Variants in FBRSL1 observed in about 807,000 individuals in gnomAD.
FBRSL1 encodes fibrosin like 1, also known as fibrosin-1-like protein.
FBRSL1 carries 51 observed loss-of-function variants against 89.6 expected under a neutral mutation model. The observed-to-expected ratio is 0.57, with a 90% confidence interval of 0.45 to 0.72. FBRSL1 has a LOEUF of 0.72. Among genes scored for constraint, FBRSL1 ranks in the 30% least tolerant of loss-of-function variants. The probability of loss-of-function intolerance (pLI) is 0.00; values close to 1 mark genes in which losing one functional copy is unlikely to be tolerated. For synonymous variants in FBRSL1, 779 were observed against 681.1 expected (o/e 1.14, Z -2.24); for missense variants, 1,618 against 1,451.8 (o/e 1.11, Z -1.86).
At chr12:132,555,240 G>T (rs568536791) in intron 5 of FBRSL1, among the ~76,000 whole-genome samples, 38 of 149,546 alleles carry the variant, frequency 2.5e-4, no homozygotes, top group Non-Finnish European at 5.2e-4. Context: ...TCGGGTGGGA[G>T]TGTAGCTGTG....
intron 9 of FBRSL1, chr12:132,571,564 G>C: frequency 1.6e-6 from 2 of 1,288,450 alleles, no homozygotes; most frequent in Non-Finnish European, 2.0e-6. Context: ...GGGGGCGGGC[G>C]TGGGGCGGGG....
intron 9 of FBRSL1, chr12:132,571,467 C>T (rs1201998761): frequency 6.5e-7 from 1 of 1,550,274 alleles, no homozygotes; most frequent in East Asian, 2.4e-5. Flanking sequence ...AGCACCAACA[C>T]ACATTCGCCC....
intron 4 of FBRSL1, among the ~76,000 whole-genome samples, chr12:132,540,821 C>G (rs1325798468): frequency 2.6e-5 from 4 of 152,136 alleles, no homozygotes; most frequent in African/African-American, 9.7e-5. Flanking sequence ...AAGCCCAGAT[C>G]CCCAGATCCC....
Position 132,570,048 on chromosome 12 carries a change from G to A in FBRSL1, c.814G>A (p.Ala272Thr), listed in dbSNP as rs1041928176. 5.6e-5 allele frequency: 84 copies of A among 1,504,982 alleles called. No individual in the cohort carries two copies. The highest frequency in any genetic ancestry group is 1.6e-4 in the African/African-American group (11 of 69,378). 93.2% of individuals were successfully genotyped at this position (1,504,982 alleles called of 1,614,324 possible). Reference protein sequence around the residue: ...LPTASPAPHAAPCPGPPPGSR... With the variant: ...LPTASPAPHATPCPGPPPGSR... ...CACTGCCAGCCCCGCGCCCCATGCC[G>A]CGCCCTGCCCGGGGCCCCCGCCCGG... The change falls in exon 7 of 19, where the codon GCG (alanine) becomes ACG (threonine). Residue 272 changes from alanine to threonine, a missense_variant. Transcript: ENST00000680143.
At chr12:132,498,693 A>G (rs1216903174) in intron 1 of FBRSL1, among the ~76,000 whole-genome samples, 1 of 152,206 alleles carries the variant, frequency 6.6e-6, no homozygotes, top group African/African-American at 2.4e-5. Context: ...CCTGGTCAGC[A>G]GGCGGCCCTG....
At chr12:132,523,928 G>T (rs1421065019) in intron 2 of FBRSL1, among the ~76,000 whole-genome samples, 1 of 152,196 alleles carries the variant, frequency 6.6e-6, no homozygotes, top group African/African-American at 2.4e-5. Context: ...CCGGTGGGCA[G>T]GGCTGCCCAG....
chr12:132,582,949 G>T, intron 18 of FBRSL1, 22 bp from the exon 19 acceptor site: 1 of 1,382,304 alleles, frequency 7.2e-7, no homozygotes, highest in East Asian at 3.1e-5. Flanking sequence ...CGGGAGTGAC[G>T]GGTCCGCCCT....
chr12:132,581,286 T>A (rs992324247), intron 15 of FBRSL1, 153 bp from the exon 16 acceptor site: 1 of 985,272 alleles, frequency 1.0e-6, no homozygotes, highest in Non-Finnish European at 1.2e-6. Flanking sequence ...CACCTCTTAC[T>A]CTGACTGGAC....
At chr12:132,551,766 G>A (rs534102750) in intron 5 of FBRSL1, 70 of 361,118 alleles carry the variant, frequency 1.9e-4, no homozygotes, top group Non-Finnish European at 2.2e-4. Flanking sequence ...GGCAGCTGAC[G>A]GGAGGCTCGG....
chr12:132,526,548 C>G (rs893739541), intron 3 of FBRSL1, among the ~76,000 whole-genome samples: 6 of 152,176 alleles, frequency 3.9e-5, no homozygotes, highest in Non-Finnish European at 8.8e-5. Flanking sequence ...GCCTTGGGCT[C>G]TGTCCCCTGA....
intron 4 of FBRSL1, among the ~76,000 whole-genome samples, chr12:132,535,654 A>G (rs2036647606): frequency 6.6e-6 from 1 of 152,276 alleles, no homozygotes; most frequent in Admixed American, 6.5e-5. Flanking sequence ...CCCCAAGCAC[A>G]CTAGGCCCAG....
In FBRSL1 at chr12:132,567,511, C is replaced by A; in HGVS notation, c.676C>A (p.Pro226Thr). The A allele has an allele frequency of 6.4e-7, 1 of 1,551,102 alleles. No homozygotes were observed. The highest frequency in any genetic ancestry group is 8.7e-7 in the Non-Finnish European group (1 of 1,146,902). ...CGTGGGCTCTGAGAAGCTCTTTGCG[C>A]CGGGAACCGATAAAGGTAAGTGGGT... ...ASVGSEKLFA[P>T]GTDKGPALEK... Residue 226 changes from proline to threonine, a missense_variant, in exon 6 of 19, where the codon CCG (proline) becomes ACG (threonine). By Grantham distance (38) the Pro-to-Thr change is conservative. Transcript: ENST00000680143.
intron 5 of FBRSL1, 85 bp downstream of exon 5, chr12:132,548,117 A>G (rs1593439749): frequency 6.7e-7 from 1 of 1,486,526 alleles, no homozygotes; most frequent in East Asian, 2.5e-5. Context: ...GGCCCTGGAG[A>G]CCAGGCAGAA....
chr12:132,514,169 G>A (rs986669841), intron 2 of FBRSL1, among the ~76,000 whole-genome samples: 1 of 152,232 alleles, frequency 6.6e-6, no homozygotes, highest in Non-Finnish European at 1.5e-5. Context: ...GACAGGCTGG[G>A]ATAGCATGCT....
At chr12:132,509,937 G>A (rs945195880) in intron 2 of FBRSL1, 64 of 1,230,682 alleles carry the variant, frequency 5.2e-5, no homozygotes, top group African/African-American at 1.7e-4. Context: ...GTGTCAGTAC[G>A]GCCAGCCCCG....
chr12:132,509,534 G>A (rs2136605234), intron 2 of FBRSL1: 1 of 1,234,256 alleles, frequency 8.1e-7, no homozygotes, highest in Non-Finnish European at 1.0e-6. Context: ...CAGGCCCCAG[G>A]CAGTGCTGCA....
chr12:132,575,874 TCA>T (rs2040352116), intron 14 of FBRSL1, among the ~76,000 whole-genome samples: 2 of 152,228 alleles, frequency 1.3e-5, no homozygotes, highest in African/African-American at 2.4e-5. Context: ...TGAGTGCGGG[TCA>T]GAGGCAGGAC....
intron 3 of FBRSL1, among the ~76,000 whole-genome samples, 159 bp downstream of exon 3, chr12:132,525,982 G>T (rs182048925): frequency 1.8e-4 from 28 of 152,356 alleles, no homozygotes; most frequent in Admixed American, 9.8e-4. Context: ...GCTGCACCCT[G>T]CACAAGGGCG....
At chr12:132,494,209 T>C (rs1036204175) in intron 1 of FBRSL1, among the ~76,000 whole-genome samples, 1 of 152,184 alleles carries the variant, frequency 6.6e-6, no homozygotes, top group Non-Finnish European at 1.5e-5. Flanking sequence ...TTTTGTTTCC[T>C]GTGACAACTC....
Sources: allele counts gnomAD v4.1 joint callset (sites outside exome capture counted in the v4.1 genomes callset), GRCh38; gene constraint gnomAD v4.1.1; transcripts MANE v1.5; gene names NCBI Gene and HGNC (gene_info 2026-07-23, HGNC 2026-07-21).